CCDC3: variants seen among roughly 807,000 people sequenced by gnomAD.
The protein encoded by CCDC3 is coiled-coil domain-containing protein 3.
A neutral mutation model predicts 21.4 loss-of-function variants in CCDC3; 24 were observed. The ratio of observed to expected loss-of-function variants is 1.12; its 90% CI spans 0.81 to 1.58. CCDC3 has a LOEUF of 1.58. CCDC3 is among the 40% of genes most tolerant of loss of function. The probability of loss-of-function intolerance (pLI) is 0.00; values close to 1 mark genes in which losing one functional copy is unlikely to be tolerated. For synonymous variants in CCDC3, 186 were observed against 166.0 expected, an observed-to-expected ratio of 1.12 and a Z score of -0.93; for missense variants, 425 against 360.9, an observed-to-expected ratio of 1.18 and a Z score of -1.44.
rs1834442244 is a variant in CCDC3, at chr10:12,920,971, G to C, written c.550-22292C>G. ...TCACAGAGGAGGGCAGGCTTCAGCA[G>C]CCTTGGCTTCCCCTAACCCTCGGCA... On this transcript the variant is annotated intron_variant, in intron 2 of 2. Coordinates refer to ENST00000378825, the MANE Select transcript of CCDC3 (RefSeq NM_031455.4). 1.3e-5 allele frequency among the ~76,000 whole-genome samples: 2 copies of C among 152,216 alleles called. 1 individual carries two copies. The highest frequency in any genetic ancestry group is 4.1e-4 in the South Asian group (2 of 4,830).
intron 2 of CCDC3, among the ~76,000 whole-genome samples, chr10:12,922,981 C>T (rs893220871): frequency 6.6e-6 from 1 of 152,158 alleles, no homozygotes; most frequent in Non-Finnish European, 1.5e-5. Context: ...TTCCCTCTCC[C>T]TTTGTGAGTG....
intron 4 of CCDC3, among the ~76,000 whole-genome samples, chr10:13,056,464 A>G (rs937746929): frequency 7.9e-5 from 12 of 152,368 alleles, no homozygotes; most frequent in African/African-American, 2.6e-4. Flanking sequence ...ACTCGTCCGG[A>G]ACCACATACA....
intron 2 of CCDC3, among the ~76,000 whole-genome samples, chr10:12,991,028 C>T (rs139561451): frequency 9.1e-4 from 138 of 152,328 alleles, no homozygotes; most frequent in African/African-American, 3.3e-3. Flanking sequence ...ACTTCTCCAT[C>T]TCTAAGGAAT....
chr10:13,078,810 T>C (rs1564341885), intron 3 of CCDC3, among the ~76,000 whole-genome samples: 1 of 137,918 alleles, frequency 7.3e-6, no homozygotes, highest in African/African-American at 2.7e-5. Flanking sequence ...AACTGAACAA[T>C]GAGAACACTT....
At chr10:13,000,464 C>T (rs1835829273) in intron 1 of CCDC3, among the ~76,000 whole-genome samples, 1 of 152,124 alleles carries the variant, frequency 6.6e-6, no homozygotes, top group African/African-American at 2.4e-5. Context: ...AAGAGGACCT[C>T]CTGGCCTGGT....
chr10:12,977,516 A>C (rs193255525), intron 2 of CCDC3, among the ~76,000 whole-genome samples: 92 of 152,314 alleles, frequency 6.0e-4, no homozygotes, highest in African/African-American at 1.9e-3. Context: ...TGTAGCATCT[A>C]AAGTCAATTT....
At chr10:12,974,302 A>G (rs1465600682) in intron 2 of CCDC3, among the ~76,000 whole-genome samples, 1 of 152,174 alleles carries the variant, frequency 6.6e-6, no homozygotes, top group Non-Finnish European at 1.5e-5. Flanking sequence ...GAACCTGGCC[A>G]AGTCGTCATC....
intron 3 of CCDC3, among the ~76,000 whole-genome samples, chr10:13,089,015 A>T (rs1035883717): frequency 4.6e-5 from 7 of 151,762 alleles, no homozygotes; most frequent in South Asian, 2.1e-4. Flanking sequence ...CTCAAAAAAA[A>T]AAAAAAATAA....
At chr10:12,928,924 C>T (rs538337646) in intron 2 of CCDC3, among the ~76,000 whole-genome samples, 1 of 152,240 alleles carries the variant, frequency 6.6e-6, no homozygotes, top group African/African-American at 2.4e-5. Flanking sequence ...ACCTGGTTGA[C>T]TTCACCTGGA....
At chr10:12,912,726 C>T (rs1381700798) in intron 2 of CCDC3, among the ~76,000 whole-genome samples, 2 of 152,130 alleles carry the variant, frequency 1.3e-5, no homozygotes, top group Non-Finnish European at 2.9e-5. Flanking sequence ...GTGTTTGCTT[C>T]TGGTAGGTTT....
chr10:13,058,216 G>C (rs115856879), intron 4 of CCDC3: 1 of 1,279,910 alleles, frequency 7.8e-7, no homozygotes, highest in Non-Finnish European at 1.1e-6. Context: ...GATTGCCAGC[G>C]GTAGTTCTGG....
intron 5 of CCDC3, among the ~76,000 whole-genome samples, chr10:13,022,666 T>C (rs923775816): frequency 1.4e-4 from 21 of 152,214 alleles, no homozygotes; most frequent in African/African-American, 5.1e-4. Flanking sequence ...ATCAGAGTTG[T>C]TAACAGAAGC....
rs1463222038 is a variant in CCDC3 at position 12,922,841 on chromosome 10, A to G, written c.550-24162T>C. Among the ~76,000 whole-genome samples the G allele has an allele frequency of 4.6e-5, 7 of 152,184 alleles. No individual in the cohort carries two copies. In the East Asian group the frequency reaches 1.2e-3, roughly 25 times the overall value. On this transcript the variant is annotated intron_variant, in intron 2 of 2. Coordinates refer to ENST00000378825, the MANE Select transcript of CCDC3 (RefSeq NM_031455.4). ...GCATCTGATAGTATGGGATGTACAG[A>G]AAGAGATGCTTCCCCAAATGCCAAT...
chr10:12,984,387 T>G (rs12258257), intron 2 of CCDC3, among the ~76,000 whole-genome samples: 2,339 of 152,222 alleles, frequency 0.015, 64 homozygotes, highest in African/African-American at 0.053. Context: ...ATGACTAAAA[T>G]CATTAAGATA....
chr10:13,009,086 C>G (rs1320793046), intron 5 of CCDC3, among the ~76,000 whole-genome samples: 1 of 152,098 alleles, frequency 6.6e-6, no homozygotes, highest in East Asian at 1.9e-4. Context: ...AAGTGGAATA[C>G]AAGATCAATA....
chr10:13,001,612 C>G lies in CCDC3; in HGVS notation c.-42G>C. 1 of 1,109,750 alleles carries G rather than the reference C, an allele frequency of 9.0e-7. No homozygotes were observed. Among genetic ancestry groups the G allele is most frequent in the Non-Finnish European group, 1.1e-6 (1 of 910,752 alleles). The allele number at this position is 1,109,750 out of a possible 1,614,324, so 68.7% of individuals were successfully genotyped here. A position where few individuals can be genotyped will look rare whatever the true frequency, so the allele number is the denominator to read the frequency against. On this transcript the variant is annotated 5_prime_UTR_variant, in exon 1 of 3. Coordinates refer to ENST00000378825, the MANE Select transcript of CCDC3 (RefSeq NM_031455.4). ...GCGCACGGGGCGGCGGCGGGGAGCC[C>G]GGGGAGCCCGCCGGCCCGGGAAGGG...
At chr10:12,916,543 C>T (rs964118602) in intron 2 of CCDC3, among the ~76,000 whole-genome samples, 3 of 150,910 alleles carry the variant, frequency 2.0e-5, no homozygotes, top group African/African-American at 7.3e-5. Flanking sequence ...TCGCTTGAAC[C>T]TGGGAGGCAG....
chr10:13,076,989 A>G (rs1295322736), intron 3 of CCDC3, among the ~76,000 whole-genome samples: 1 of 152,164 alleles, frequency 6.6e-6, no homozygotes, highest in East Asian at 1.9e-4. Context: ...TATTACACAT[A>G]GTGTTGGAAG....
intron 2 of CCDC3, among the ~76,000 whole-genome samples, chr10:12,959,262 G>T (rs772148748): frequency 6.6e-6 from 1 of 151,718 alleles, no homozygotes; most frequent in Non-Finnish European, 1.5e-5. Flanking sequence ...CTGCCTCCTG[G>T]GTTCAAGTGA....
Sources: gnomAD v4.1 joint callset for allele counts (sites outside exome capture counted in the v4.1 genomes callset) on GRCh38, gnomAD v4.1.1 for gene constraint, MANE v1.5 for transcripts, NCBI Gene and HGNC (gene_info 2026-07-23, HGNC 2026-07-21) for gene names.